Variants in RAPGEF6 observed in about 807,000 individuals in gnomAD.
RAPGEF6 encodes the protein PDZ domain containing guanine nucleotide exchange factor (GEF) 2.
RAPGEF6 carries 56 observed loss-of-function variants against 171.4 expected under a neutral mutation model. The ratio of observed to expected loss-of-function variants is 0.33; its 90% CI spans 0.26 to 0.41. The LOEUF is 0.41. RAPGEF6 is among the 10% of genes least tolerant of loss of function. The pLI is 1.00. For missense variants in RAPGEF6, 1,674 were observed against 1,921.4 expected, an observed-to-expected ratio of 0.87 and a Z score of 2.41; for synonymous variants, 692 against 650.1, an observed-to-expected ratio of 1.06 and a Z score of -0.98.
chr5:131,479,116 T>C (rs1755296481), intron 16 of RAPGEF6, among the ~76,000 whole-genome samples: 1 of 151,918 alleles, frequency 6.6e-6, no homozygotes, highest in African/African-American at 2.4e-5. Flanking sequence ...GATTAAAAAG[T>C]TCAACTTTAG....
rs201838305 is a variant in RAPGEF6, at chr5:131,455,790, T to A, written c.3076+11A>T. 1.8e-4 allele frequency: 285 copies of A among 1,599,870 alleles called. No homozygotes were observed. Among genetic ancestry groups the A allele is most frequent in the Non-Finnish European group, 2.3e-4 (264 of 1,168,558 alleles). On this transcript the variant is annotated intron_variant, in intron 20 of 27. Transcript: ENST00000509018. Reference sequence around the variant, plus strand: ...CATGTGGTAAAACATCAATAAATAATGTTTTCATACCTTCATGTAGAAATG... The same window carrying A: ...CATGTGGTAAAACATCAATAAATAAAGTTTTCATACCTTCATGTAGAAATG...
chr5:131,536,931 T>C (rs1490229298), intron 6 of RAPGEF6, among the ~76,000 whole-genome samples: 4 of 152,204 alleles, frequency 2.6e-5, no homozygotes, highest in African/African-American at 9.6e-5. Flanking sequence ...CCCTTGTTCA[T>C]AAAGATGACC....
chr5:131,440,370 CT>C (rs1752301849), intron 23 of RAPGEF6: 1 of 370,520 alleles, frequency 2.7e-6, no homozygotes, highest in African/African-American at 2.2e-5. Flanking sequence ...CTTAGCAATG[CT>C]TTCAATATAT....
In RAPGEF6 at chr5:131,492,802, G is replaced by A; in HGVS notation, c.1528-17C>T. On this transcript the variant is annotated splice_polypyrimidine_tract_variant and intron_variant, in intron 13 of 27. Coordinates refer to ENST00000509018, the MANE Select transcript of RAPGEF6 (RefSeq NM_016340.6). ...ATTCATCTTCTGTTAAGCAGAAAAGGATAAATGTATATAAATGTATCTATT... is the reference window on the plus strand; with the variant it reads ...ATTCATCTTCTGTTAAGCAGAAAAGAATAAATGTATATAAATGTATCTATT... 1 of 1,591,450 alleles carries A rather than the reference G, an allele frequency of 6.3e-7. No homozygotes were observed. The highest frequency in any genetic ancestry group is 8.6e-7 in the Non-Finnish European group (1 of 1,159,640).
chr5:131,535,899 G>A (rs1032358917), intron 6 of RAPGEF6, among the ~76,000 whole-genome samples: 3 of 151,976 alleles, frequency 2.0e-5, no homozygotes, highest in African/African-American at 4.8e-5. Context: ...CATAGATGAA[G>A]GTAAGCCATA....
At chr5:131,477,535 C>T (rs1755182216) in intron 16 of RAPGEF6, among the ~76,000 whole-genome samples, 1 of 152,146 alleles carries the variant, frequency 6.6e-6, no homozygotes, top group Non-Finnish European at 1.5e-5. Flanking sequence ...ACTGACTGTT[C>T]CTGGCGACCT....
At chr5:131,558,883 T>C (rs1454347845) in intron 5 of RAPGEF6, among the ~76,000 whole-genome samples, 2 of 152,206 alleles carry the variant, frequency 1.3e-5, no homozygotes, top group Non-Finnish European at 2.9e-5. Flanking sequence ...AAACATTCCA[T>C]GTGCACTTGA....
At chr5:131,616,299 A>G (rs1765260595) in intron 1 of RAPGEF6, among the ~76,000 whole-genome samples, 1 of 152,212 alleles carries the variant, frequency 6.6e-6, no homozygotes, top group Non-Finnish European at 1.5e-5. Context: ...CATTGCAGGT[A>G]TATTCTGTGG....
Position 131,603,294 on chromosome 5 carries a change from G to A in RAPGEF6, c.174C>T (p.Tyr58=), listed in dbSNP as rs758526947. The change falls in exon 3 of 28, where the codon TAC becomes TAT. Residue 58 remains tyrosine, a synonymous_variant. Transcript: ENST00000509018. ...ACCAAAAGAGAACCTGATTGCCACT[G>A]TATCTCTCATAGCGTGCTCTTGCAG... The part of the protein sequence containing the change: ...LMSARARYER[Y]SGNQVLFCSE... The A allele has an allele frequency of 4.4e-6, 7 of 1,580,594 alleles. No homozygotes were observed. Among genetic ancestry groups the A allele is most frequent in the African/African-American group, 1.4e-5 (1 of 73,298 alleles).
intron 7 of RAPGEF6, among the ~76,000 whole-genome samples, chr5:131,519,446 G>T (rs145986419): frequency 1.2e-3 from 180 of 152,212 alleles, no homozygotes; most frequent in African/African-American, 4.3e-3. Context: ...CTGTCGGCCA[G>T]GCTGGAGTGC....
At chr5:131,433,173 GA>G (rs748016190) in intron 25 of RAPGEF6, among the ~76,000 whole-genome samples, 13 of 152,250 alleles carry the variant, frequency 8.5e-5, no homozygotes, top group Non-Finnish European at 1.9e-4. Context: ...GATGCACTTT[GA>G]GTTCTGACTG....
chr5:131,453,369 T>A (rs1273966873), intron 20 of RAPGEF6, among the ~76,000 whole-genome samples, 192 bp from the exon 21 acceptor site: 1 of 152,176 alleles, frequency 6.6e-6, no homozygotes, highest in Non-Finnish European at 1.5e-5. Context: ...AGGAACTGTG[T>A]TCCATATAGG....
intron 4 of RAPGEF6, among the ~76,000 whole-genome samples, chr5:131,583,568 A>G (rs545557598): frequency 6.6e-6 from 1 of 152,270 alleles, no homozygotes; most frequent in East Asian, 1.9e-4. Context: ...CTCTGGATCC[A>G]CCTATAATCT....
At position 131,555,495 on chromosome 5, in the gene RAPGEF6, C is replaced by T. The variant is rs137904564; in HGVS notation, c.351+6483G>A. 7.0e-3 allele frequency among the ~76,000 whole-genome samples: 1,066 copies of T among 152,068 alleles called. 16 individuals are homozygous for T. Among genetic ancestry groups the T allele is most frequent in the African/African-American group, 0.025 (1,024 of 41,508 alleles). On this transcript the variant is annotated intron_variant, in intron 5 of 27. Coordinates refer to ENST00000509018, the MANE Select transcript of RAPGEF6 (RefSeq NM_016340.6). ...TTTTCTTAACATCTTTAATTTTACA[C>T]AACTCTTATGCTAAAATAAAAATCT... is the stretch of plus-strand genomic sequence containing the variant.
At chr5:131,572,684 T>C (rs180922028) in intron 4 of RAPGEF6, among the ~76,000 whole-genome samples, 2 of 152,150 alleles carry the variant, frequency 1.3e-5, no homozygotes, top group African/African-American at 4.8e-5. Flanking sequence ...CATTTCTCCA[T>C]GTCTCTACCT....
At chr5:131,460,946 C>A (rs1335543147) in intron 19 of RAPGEF6, among the ~76,000 whole-genome samples, 2 of 152,130 alleles carry the variant, frequency 1.3e-5, no homozygotes, top group Non-Finnish European at 2.9e-5. Context: ...TTTATAAGCA[C>A]ATCATGGCCT....
At chr5:131,526,453 G>A (rs1026057402) in intron 6 of RAPGEF6, among the ~76,000 whole-genome samples, 4 of 152,106 alleles carry the variant, frequency 2.6e-5, no homozygotes, top group African/African-American at 9.7e-5. Flanking sequence ...CTGGGGTCCT[G>A]GGATCTGAAA....
chr5:131,482,452 G>A (rs1024405418), intron 15 of RAPGEF6, among the ~76,000 whole-genome samples: 1 of 152,098 alleles, frequency 6.6e-6, no homozygotes, highest in African/African-American at 2.4e-5. Context: ...ACAGGCATGT[G>A]CTACTGCACC....
At chr5:131,475,193 A>G (rs1354633502) in intron 16 of RAPGEF6, among the ~76,000 whole-genome samples, 2 of 152,248 alleles carry the variant, frequency 1.3e-5, no homozygotes, top group African/African-American at 4.8e-5. Context: ...AATCCATGCT[A>G]TGCCATGAAT....
Sources: allele counts gnomAD v4.1 joint callset (sites outside exome capture counted in the v4.1 genomes callset), GRCh38; gene constraint gnomAD v4.1.1; transcripts MANE v1.5; gene names NCBI Gene and HGNC (gene_info 2026-07-23, HGNC 2026-07-21).